POU2F1: variants seen among roughly 807,000 people sequenced by gnomAD.
POU2F1 encodes the protein POU class 2 homeobox 1, also known as POU domain, class 2, transcription factor 1.
A neutral mutation model predicts 84.9 loss-of-function variants in POU2F1; 16 were observed. The ratio of observed to expected loss-of-function variants is 0.19; its 90% CI spans 0.13 to 0.29. The LOEUF is 0.29. Ranked by LOEUF, POU2F1 falls within the 10% of genes least tolerant of loss-of-function variation. The pLI is 1.00. For synonymous variants in POU2F1, 368 were observed against 368.3 expected (o/e 1.00, Z 0.01); for missense variants, 738 against 942.6 (o/e 0.78, Z 2.84).
chr1:167,366,950 A>G (rs1303610916), intron 3 of POU2F1, among the ~76,000 whole-genome samples: 2 of 152,214 alleles, frequency 1.3e-5, no homozygotes, highest in Non-Finnish European at 2.9e-5. Context: ...GAGGGTGCAC[A>G]GATGATGTGC....
intron 7 of POU2F1, among the ~76,000 whole-genome samples, chr1:167,377,602 A>T (rs940883727): frequency 1.6e-4 from 24 of 151,564 alleles, no homozygotes; most frequent in Non-Finnish European, 3.0e-4. Flanking sequence ...TAAAAAAATT[A>T]AAAAATCACT....
Position 167,303,175 on chromosome 1 carries a change from T to TA in POU2F1, c.62-29287dup, listed in dbSNP as rs974597425. On this transcript the variant is annotated intron_variant, in intron 1 of 15. Transcript: ENST00000367866. ...TTTTATGTTAGTGAAATGCACCCTT[T>TA]AAAAAAAACCTGAGTAGGCTGTTTT... Among the ~76,000 whole-genome samples, 73 of 151,876 alleles carry TA rather than the reference T, an allele frequency of 4.8e-4. 1 individual carries two copies. The highest frequency in any genetic ancestry group is 6.6e-5 in the Admixed American group (1 of 15,260).
intron 1 of POU2F1, among the ~76,000 whole-genome samples, chr1:167,270,193 C>T (rs558137065): frequency 1.3e-5 from 2 of 151,672 alleles, no homozygotes; most frequent in East Asian, 1.9e-4. Context: ...CTATTTTTTT[C>T]CCCATATGTT....
rs148314747 is a variant in POU2F1, at chr1:167,316,481, T to G, written c.62-15989T>G. Among the ~76,000 whole-genome samples the G allele has an allele frequency of 9.2e-4, 140 of 152,358 alleles. 1 individual carries two copies. Among genetic ancestry groups the G allele is most frequent in the African/African-American group, 2.9e-3 (121 of 41,580 alleles). ...AGTTTTTATAGGATAGGTAGACTTT[T>G]CACGAAACAATACAGGGAAAAGAAG... On this transcript the variant is annotated intron_variant, in intron 1 of 15. Transcript: ENST00000367866.
rs1455189740 is a variant in POU2F1, at chr1:167,420,661, CT to C, written c.*4853del. ...GAGGAAAAGCCTCTTGCTGTTGTTT[CT>C]TCCCAAGAAAGGAGAAGCCCTGCCA... is the stretch of plus-strand genomic sequence containing the variant. On this transcript the variant is annotated 3_prime_UTR_variant, in exon 16 of 16. Transcript: ENST00000367866. 1 of 152,244 alleles carries C rather than the reference CT, an allele frequency of 6.6e-6. No individual in the cohort carries two copies. Among genetic ancestry groups the C allele is most frequent in the Non-Finnish European group, 1.5e-5 (1 of 68,068 alleles). The allele number at this position is 152,244 out of a possible 1,614,324, so 9.4% of individuals were successfully genotyped here.
At position 167,371,903 on chromosome 1, in the gene POU2F1, C is replaced by T. The variant is rs1049736462; in HGVS notation, c.283-14C>T. On this transcript the variant is annotated splice_polypyrimidine_tract_variant and intron_variant, in intron 4 of 15. Transcript: ENST00000367866. Reference sequence around the variant, plus strand: ...CCATTTGCAATCTTTTATTTCCTACCCACCCCACCTCAGTCTAAATCTAAT... The same window carrying T: ...CCATTTGCAATCTTTTATTTCCTACTCACCCCACCTCAGTCTAAATCTAAT... The T allele has an allele frequency of 6.8e-6, 11 of 1,613,764 alleles. No homozygotes were observed. The African/African-American group carries it at 1.3e-4, about 20-fold the overall frequency.
At chr1:167,368,345 G>A (rs1659814187) in intron 3 of POU2F1, among the ~76,000 whole-genome samples, 1 of 151,456 alleles carries the variant, frequency 6.6e-6, no homozygotes, top group African/African-American at 2.4e-5. Context: ...CCCTCTCGGT[G>A]CATTCAGAAG....
Position 167,411,984 on chromosome 1 carries a change from C to T in POU2F1, c.1581C>T (p.Asn527=), listed in dbSNP as rs1227850923. 3.1e-6 allele frequency: 5 copies of T among 1,613,470 alleles called. No homozygotes were observed. In the East Asian group the frequency reaches 8.9e-5, roughly 29 times the overall value. The change falls in exon 14 of 16, where the codon AAC becomes AAT. Residue 527 remains asparagine, a synonymous_variant. Coordinates refer to ENST00000367866, the MANE Select transcript of POU2F1 (RefSeq NM_002697.4). ...VTGTSDTTSN[N]TATVISTAPP... ...GCACTTCAGACACCACCTCCAACAA[C>T]ACAGCAACCGTGATTTCCACAGCGC...
chr1:167,259,244 A>G (rs1651369979), intron 1 of POU2F1, among the ~76,000 whole-genome samples: 1 of 152,214 alleles, frequency 6.6e-6, no homozygotes, highest in African/African-American at 2.4e-5. Flanking sequence ...TTTGAGACTT[A>G]GGCTAGTAAC....
intron 5 of POU2F1, among the ~76,000 whole-genome samples, chr1:167,372,729 A>C (rs7545357): frequency 0.63 from 95,725 of 152,096 alleles, 32,075 homozygotes; most frequent in East Asian, 0.87. Flanking sequence ...TTTATGGTTA[A>C]TAAATTGGCC....
chr1:167,387,441 T>G (rs890144927), intron 8 of POU2F1, among the ~76,000 whole-genome samples: 1 of 152,202 alleles, frequency 6.6e-6, no homozygotes, highest in Non-Finnish European at 1.5e-5. Context: ...GGTTGAAAAT[T>G]ACGCAGTGTC....
chr1:167,221,124 G>A (rs1028467937), intron 1 of POU2F1, among the ~76,000 whole-genome samples, 166 bp downstream of exon 1: 2 of 151,542 alleles, frequency 1.3e-5, no homozygotes, highest in Admixed American at 6.6e-5. Flanking sequence ...CTGAGCGGAG[G>A]GGGAAAGAGG....
chr1:167,254,621 A>C (rs2102413913), intron 1 of POU2F1, among the ~76,000 whole-genome samples: 1 of 152,334 alleles, frequency 6.6e-6, no homozygotes, highest in South Asian at 2.1e-4. Flanking sequence ...ATAACCATAG[A>C]GTATCTTGAT....
intron 1 of POU2F1, among the ~76,000 whole-genome samples, chr1:167,247,539 G>C (rs1350482934): frequency 6.6e-6 from 1 of 152,052 alleles, no homozygotes; most frequent in Non-Finnish European, 1.5e-5. Context: ...ATCCCCACTT[G>C]AGTTTCAGTT....
rs1472703571 is a variant in POU2F1 at position 167,425,014 on chromosome 1, A to G, written c.*9204A>G. 1.3e-5 allele frequency: 2 copies of G among 151,726 alleles called. No homozygotes were observed. The highest frequency in any genetic ancestry group is 1.3e-4 in the Admixed American group (2 of 15,236). 9.4% of individuals were successfully genotyped at this position (151,726 alleles called of 1,614,324 possible). ...CACATTTCACTTTTTTTCCTTTGACATGACCAAAAATATCCAAATATTTAA... is the reference window on the plus strand; with the variant it reads ...CACATTTCACTTTTTTTCCTTTGACGTGACCAAAAATATCCAAATATTTAA... On this transcript the variant is annotated 3_prime_UTR_variant, in exon 16 of 16. Transcript: ENST00000367866.
At chr1:167,246,546 A>T (rs1230906266) in intron 1 of POU2F1, among the ~76,000 whole-genome samples, 2 of 152,208 alleles carry the variant, frequency 1.3e-5, no homozygotes, top group African/African-American at 4.8e-5. Flanking sequence ...AGCTTCACAA[A>T]TAATCTAAGA....
chr1:167,365,346 T>C (rs890115983), intron 2 of POU2F1, 121 bp from the exon 3 acceptor site: 7 of 604,164 alleles, frequency 1.2e-5, no homozygotes, highest in Non-Finnish European at 8.3e-6. Context: ...CCCTTCTCCT[T>C]GGAGGTACTT....
Position 167,415,852 on chromosome 1 carries a change from A to G in POU2F1, c.*42A>G. On this transcript the variant is annotated 3_prime_UTR_variant, in exon 16 of 16. Transcript: ENST00000367866. Reference sequence around the variant, plus strand: ...CTGCCAGAAGCCTTTTTCACTCTGCAGTGTGATTGGACTGCCAGCCAGGTT... The same window carrying G: ...CTGCCAGAAGCCTTTTTCACTCTGCGGTGTGATTGGACTGCCAGCCAGGTT... The G allele has an allele frequency of 6.8e-7, 1 of 1,461,180 alleles. No individual in the cohort carries two copies. Among genetic ancestry groups the G allele is most frequent in the Non-Finnish European group, 9.2e-7 (1 of 1,085,870 alleles). The allele number at this position is 1,461,180 out of a possible 1,614,324, so 90.5% of individuals were successfully genotyped here.
intron 1 of POU2F1, among the ~76,000 whole-genome samples, chr1:167,276,042 T>C (rs1420390140): frequency 6.6e-6 from 1 of 152,266 alleles, no homozygotes; most frequent in Non-Finnish European, 1.5e-5. Flanking sequence ...CCCCTTTATC[T>C]GCTGTTTCTT....
Sources: allele counts gnomAD v4.1 joint callset (sites outside exome capture counted in the v4.1 genomes callset), GRCh38; gene constraint gnomAD v4.1.1; transcripts MANE v1.5; gene names NCBI Gene and HGNC (gene_info 2026-07-23, HGNC 2026-07-21).